The following PNOC variants were observed in gnomAD, a reference collection of about 807,000 sequenced individuals.
The protein encoded by PNOC is prepronociceptin, also known as nociceptin.
In PNOC, 10 loss-of-function variants were observed where a neutral mutation model predicts 15.6. That is an observed-to-expected ratio of 0.64 (90% CI 0.40 to 1.09). The LOEUF is 1.09. Ranked by LOEUF, PNOC falls within the 50% of genes least tolerant of loss-of-function variation. The pLI, the probability that PNOC is intolerant of heterozygous loss-of-function variation, is 0.01. For synonymous variants in PNOC, 98 were observed against 88.5 expected, an observed-to-expected ratio of 1.11 and a Z score of -0.60; for missense variants, 220 against 223.9, an observed-to-expected ratio of 0.98 and a Z score of 0.11.
intron 2 of PNOC, among the ~76,000 whole-genome samples, chr8:28,333,524 T>C (rs997433969): frequency 1.3e-5 from 2 of 152,204 alleles, no homozygotes; most frequent in African/African-American, 4.8e-5. Context: ...ACAAATGCGT[T>C]GTGAATTTAG....
intron 1 of PNOC, among the ~76,000 whole-genome samples, chr8:28,320,092 C>CT (rs34876964): frequency 0.22 from 6,413 of 29,564 alleles, 1,920 homozygotes; most frequent in Non-Finnish European, 0.29. Flanking sequence ...TTCTTTCTTT[C>CT]TTTTTTTTTT....
chr8:28,323,388 A>G (rs979367845), intron 1 of PNOC, among the ~76,000 whole-genome samples: 9 of 152,246 alleles, frequency 5.9e-5, no homozygotes, highest in Admixed American at 2.0e-4. Context: ...CAGCCTACTC[A>G]GGTAACTTTT....
At chr8:28,333,199 T>C (rs1045002866) in intron 2 of PNOC, among the ~76,000 whole-genome samples, 5 of 152,202 alleles carry the variant, frequency 3.3e-5, no homozygotes. Context: ...CTTGACCACC[T>C]TTGTGAGCTG....
intron 2 of PNOC, among the ~76,000 whole-genome samples, chr8:28,335,109 G>A (rs1415951626): frequency 6.6e-6 from 1 of 152,184 alleles, no homozygotes; most frequent in Non-Finnish European, 1.5e-5. Context: ...ACCCTGCCAG[G>A]GAAGGAAAGG....
chr8:28,319,689 C>T (rs1801115222), intron 1 of PNOC, among the ~76,000 whole-genome samples: 1 of 152,140 alleles, frequency 6.6e-6, no homozygotes, highest in Non-Finnish European at 1.5e-5. Context: ...TTCAGTGATC[C>T]CTCATTTCTC....
At chr8:28,325,664 A>C (rs1563326939) in intron 1 of PNOC, among the ~76,000 whole-genome samples, 1 of 116,794 alleles carries the variant, frequency 8.6e-6, no homozygotes, top group Admixed American at 9.2e-5. Flanking sequence ...AAAAAAAAAA[A>C]AGAAAAAGAA....
intron 1 of PNOC, among the ~76,000 whole-genome samples, chr8:28,327,056 C>G (rs866505853): frequency 6.6e-6 from 1 of 152,170 alleles, no homozygotes; most frequent in Non-Finnish European, 1.5e-5. Flanking sequence ...ACACTGAACT[C>G]TTTATTAAGG....
At position 28,317,696 on chromosome 8, in the gene PNOC, G is replaced by T. The variant is rs546458736; in HGVS notation, c.-24+380G>T. ...ACTTGGGAGGGGGTTTGCCTTCCACGGGGCGGCCCCCAGGAAGACCCTGGC... is the reference window on the plus strand; with the variant it reads ...ACTTGGGAGGGGGTTTGCCTTCCACTGGGCGGCCCCCAGGAAGACCCTGGC... On this transcript the variant is annotated intron_variant, in intron 1 of 3. Transcript: ENST00000301908. Among the ~76,000 whole-genome samples the T allele has an allele frequency of 2.0e-5, 3 of 152,012 alleles. No homozygotes were observed. The South Asian group carries it at 6.2e-4, about 32-fold the overall frequency.
At chr8:28,337,529 G>T (rs1801431044) in intron 2 of PNOC, among the ~76,000 whole-genome samples, 1 of 150,954 alleles carries the variant, frequency 6.6e-6, no homozygotes, top group Non-Finnish European at 1.5e-5. Flanking sequence ...CAAACTCCTG[G>T]CCTCAAGTGA....
rs34876964 is a variant in PNOC, at chr8:28,320,092, C to CTTTTTTTTTTTT, written c.-24+2794_-24+2805dup. Among the ~76,000 whole-genome samples the CTTTTTTTTTTTT allele has an allele frequency of 3.4e-3, 102 of 29,728 alleles. 9 individuals are homozygous for CTTTTTTTTTTTT. The highest frequency in any genetic ancestry group is 4.6e-3 in the Non-Finnish European group (78 of 16,922). 19.5% of individuals were successfully genotyped at this position (29,728 alleles called of 152,430 possible). On this transcript the variant is annotated intron_variant, in intron 1 of 3. Transcript: ENST00000301908. ...TGTTTGTTTCTTTCTTTCTTTCTTT[C>CTTTTTTTTTTTT]TTTTTTTTTTTTTTTTTTTTTTTTT...
chr8:28,331,510 G>A (rs2614110), intron 2 of PNOC, among the ~76,000 whole-genome samples: 49,718 of 151,824 alleles, frequency 0.33, 9,984 homozygotes, highest in Non-Finnish European at 0.46. Context: ...ATACATCCCA[G>A]GCCTTCTGCT....
chr8:28,328,584 G>A (rs1274805418), intron 1 of PNOC, among the ~76,000 whole-genome samples: 1 of 152,064 alleles, frequency 6.6e-6, no homozygotes, highest in Non-Finnish European at 1.5e-5. Flanking sequence ...AAGCATTTGA[G>A]TCATTAATAA....
intron 1 of PNOC, among the ~76,000 whole-genome samples, chr8:28,320,744 G>A (rs375868608): frequency 6.6e-5 from 10 of 151,836 alleles, no homozygotes; most frequent in Middle Eastern, 3.4e-3. Flanking sequence ...CCAGCTACTC[G>A]GGAGGCTGAG....
At chr8:28,326,172 C>T (rs1488045300) in intron 1 of PNOC, among the ~76,000 whole-genome samples, 1 of 151,494 alleles carries the variant, frequency 6.6e-6, no homozygotes, top group African/African-American at 2.4e-5. Flanking sequence ...GGCAACATGG[C>T]GAGACCTCAT....
chr8:28,335,009 T>C (rs778492237), intron 2 of PNOC, among the ~76,000 whole-genome samples: 45 of 152,174 alleles, frequency 3.0e-4, no homozygotes, highest in Non-Finnish European at 5.9e-4. Flanking sequence ...GAAAAAGCCA[T>C]GCTCAGAAAA....
intron 3 of PNOC, among the ~76,000 whole-genome samples, chr8:28,340,628 G>A (rs1801500813): frequency 6.6e-6 from 1 of 152,190 alleles, no homozygotes; most frequent in South Asian, 2.1e-4. Context: ...AGGAATACCT[G>A]AGGCTGGGTA....
At chr8:28,342,084 C>T in intron 3 of PNOC, among the ~76,000 whole-genome samples, 1 of 152,148 alleles carries the variant, frequency 6.6e-6, no homozygotes, top group East Asian at 1.9e-4. Context: ...GTAGCTCATG[C>T]CTATAATCCC....
chr8:28,334,220 A>C (rs1216298318), intron 2 of PNOC, among the ~76,000 whole-genome samples: 1 of 152,132 alleles, frequency 6.6e-6, no homozygotes, highest in Non-Finnish European at 1.5e-5. Flanking sequence ...AATATACTAC[A>C]CATTGATTCT....
At chr8:28,327,033 T>C (rs1585829986) in intron 1 of PNOC, among the ~76,000 whole-genome samples, 2 of 152,212 alleles carry the variant, frequency 1.3e-5, no homozygotes, top group East Asian at 1.9e-4. Flanking sequence ...AAGGCAGTCA[T>C]TTTTGGTTTT....
Sources: gnomAD v4.1 joint callset for allele counts (sites outside exome capture counted in the v4.1 genomes callset) on GRCh38, gnomAD v4.1.1 for gene constraint, MANE v1.5 for transcripts, NCBI Gene and HGNC (gene_info 2026-07-23, HGNC 2026-07-21) for gene names.